Variants in EFCAB6 observed in about 807,000 individuals in gnomAD.
EFCAB6 encodes the protein EF-hand calcium binding domain 6.
In EFCAB6, 156 loss-of-function variants were observed where a neutral mutation model predicts 169.8. That is an observed-to-expected ratio of 0.92 (90% CI 0.81 to 1.05). EFCAB6 has a LOEUF of 1.05. Among genes scored for constraint, EFCAB6 ranks in the 50% least tolerant of loss-of-function variants. EFCAB6 has a pLI of 0.00. For missense variants in EFCAB6, 1,800 were observed against 1,829.1 expected (o/e 0.98, Z 0.29); for synonymous variants, 698 against 676.4 (o/e 1.03, Z -0.50).
At chr22:43,712,916 T>C (rs1216225503) in intron 9 of EFCAB6, among the ~76,000 whole-genome samples, 2 of 152,158 alleles carry the variant, frequency 1.3e-5, no homozygotes, top group African/African-American at 2.4e-5. Flanking sequence ...TTACTGTTTA[T>C]ATAGAAAGTA....
chr22:43,583,007 T>G (rs992093270), intron 24 of EFCAB6, among the ~76,000 whole-genome samples: 1 of 152,182 alleles, frequency 6.6e-6, no homozygotes, highest in Non-Finnish European at 1.5e-5. Flanking sequence ...GTCTCATAAA[T>G]TATTAGCTGA....
At chr22:43,591,260 A>T (rs1199116601) in intron 23 of EFCAB6, among the ~76,000 whole-genome samples, 6 of 151,282 alleles carry the variant, frequency 4.0e-5, no homozygotes, top group African/African-American at 1.5e-4. Context: ...GTTCGAGACC[A>T]GCCTGGCCAA....
rs570550073 is a variant in EFCAB6 at position 43,795,510 on chromosome 22, C to A, written c.-7-13185G>T. 6.6e-6 allele frequency among the ~76,000 whole-genome samples: 1 copy of A among 152,256 alleles called. No homozygotes were observed. The highest frequency in any genetic ancestry group is 1.9e-4 in the East Asian group (1 of 5,168). On this transcript the variant is annotated intron_variant, in intron 2 of 31. Transcript: ENST00000262726. The surrounding 1 kb of genome is among the most constrained non-coding windows in gnomAD (Gnocchi z 4.2). ...ATGGGTCCCTCGGCCCTGCTCCACC[C>A]CAGCCGATTCCTCTGCCTTGAGACC...
At chr22:43,529,185 G>A (rs531736806) in intron 31 of EFCAB6, among the ~76,000 whole-genome samples, 2 of 152,356 alleles carry the variant, frequency 1.3e-5, no homozygotes, top group South Asian at 4.1e-4. Context: ...GCATCTGGGT[G>A]TGAAACTGGA....
At chr22:43,610,148 G>A (rs1006478537) in intron 21 of EFCAB6, among the ~76,000 whole-genome samples, 59 of 152,184 alleles carry the variant, frequency 3.9e-4, no homozygotes, top group Non-Finnish European at 1.5e-4. Context: ...AAGATCTACA[G>A]AGAGATGTTA....
intron 10 of EFCAB6, among the ~76,000 whole-genome samples, chr22:43,708,418 C>G (rs572723762): frequency 6.7e-4 from 102 of 151,520 alleles, no homozygotes; most frequent in African/African-American, 2.4e-3. Context: ...AAAACTTAGC[C>G]AATACCAAAC....
chr22:43,625,934 G>A (rs1291153472), intron 20 of EFCAB6, among the ~76,000 whole-genome samples: 20 of 152,338 alleles, frequency 1.3e-4, no homozygotes, highest in Admixed American at 1.3e-3. Context: ...GCCCAGCCTT[G>A]GACAGAGGAC....
chr22:43,790,494 A>G (rs952698888), intron 2 of EFCAB6, among the ~76,000 whole-genome samples: 3 of 152,234 alleles, frequency 2.0e-5, no homozygotes, highest in Admixed American at 6.5e-5. Flanking sequence ...AATCAGATCT[A>G]CGGAGACCAG....
At chr22:43,578,738 C>G (rs577053502) in intron 25 of EFCAB6, among the ~76,000 whole-genome samples, 140 of 151,956 alleles carry the variant, frequency 9.2e-4, no homozygotes, top group African/African-American at 3.2e-3. Flanking sequence ...AGGCATCATT[C>G]CCTACACACA....
chr22:43,774,574 G>T (rs926522074), intron 3 of EFCAB6, among the ~76,000 whole-genome samples: 32 of 151,756 alleles, frequency 2.1e-4, no homozygotes, highest in Admixed American at 1.2e-3. Context: ...CTCAGGGAGG[G>T]AGGTGATTCG....
chr22:43,675,186 T>G (rs2057670227), intron 13 of EFCAB6, among the ~76,000 whole-genome samples: 1 of 146,726 alleles, frequency 6.8e-6, no homozygotes, highest in Non-Finnish European at 1.5e-5. Flanking sequence ...ATATATAATA[T>G]AGCTAATTTG....
chr22:43,697,700 T>C (rs942131738), intron 10 of EFCAB6, among the ~76,000 whole-genome samples: 1 of 152,164 alleles, frequency 6.6e-6, no homozygotes, highest in African/African-American at 2.4e-5. Flanking sequence ...GCTCCTTTTA[T>C]TGTCTCAGGC....
At chr22:43,558,063 A>C (rs1339298619) in intron 26 of EFCAB6, among the ~76,000 whole-genome samples, 1 of 152,260 alleles carries the variant, frequency 6.6e-6, no homozygotes, top group African/African-American at 2.4e-5. Flanking sequence ...TGAACTACTA[A>C]AGCATTAAAA....
chr22:43,734,424 A>C (rs2060061293), intron 7 of EFCAB6, among the ~76,000 whole-genome samples: 1 of 152,210 alleles, frequency 6.6e-6, no homozygotes, highest in Non-Finnish European at 1.5e-5. Flanking sequence ...GAGGCTTAAA[A>C]AATCTCAAAT....
chr22:43,781,417 G>T (rs1387909314), intron 3 of EFCAB6, among the ~76,000 whole-genome samples: 2 of 152,138 alleles, frequency 1.3e-5, no homozygotes, highest in African/African-American at 4.8e-5. Context: ...TTGACCTCCA[G>T]GGCCTAAGCC....
intron 23 of EFCAB6, among the ~76,000 whole-genome samples, chr22:43,595,520 G>T (rs2147467468): frequency 6.6e-6 from 1 of 151,880 alleles, no homozygotes; most frequent in South Asian, 2.1e-4. Flanking sequence ...CCTAGAAGTG[G>T]GTAAATTCCT....
rs117454714 is a variant in EFCAB6 at position 43,746,572 on chromosome 22, C to T, written c.507+9194G>A. Among the ~76,000 whole-genome samples, 406 of 152,230 alleles carry T rather than the reference C, an allele frequency of 2.7e-3. 5 individuals are homozygous for T. Among genetic ancestry groups the T allele is most frequent in the South Asian group, 4.2e-3 (20 of 4,810 alleles). On this transcript the variant is annotated intron_variant, in intron 6 of 31. Coordinates refer to ENST00000262726, the MANE Select transcript of EFCAB6 (RefSeq NM_022785.4). The stretch of plus-strand genomic sequence containing the variant: ...AAACTCTAGCTACCCATTGAGCTTA[C>T]GATACAGCTATGAAAAGGTGCCCCG...
In EFCAB6 at chr22:43,576,117, G is replaced by T. The variant is rs141814547; in HGVS notation, c.3420+180C>A. 4.7e-4 allele frequency among the ~76,000 whole-genome samples: 72 copies of T among 152,082 alleles called. 1 individual carries two copies. Among genetic ancestry groups the T allele is most frequent in the Admixed American group, 1.6e-3 (24 of 15,288 alleles). ...AATAAAAATTTCCAACAAAGTAAAGGATGCATATTCACCTTCTAATACTCT... is the reference window on the plus strand; with the variant it reads ...AATAAAAATTTCCAACAAAGTAAAGTATGCATATTCACCTTCTAATACTCT... On this transcript the variant is annotated intron_variant, in intron 26 of 31. Coordinates refer to ENST00000262726, the MANE Select transcript of EFCAB6 (RefSeq NM_022785.4).
intron 11 of EFCAB6, among the ~76,000 whole-genome samples, chr22:43,685,595 T>TA (rs1329885168): frequency 9.2e-5 from 14 of 152,332 alleles, no homozygotes; most frequent in African/African-American, 3.4e-4. Context: ...TTGTAAAAGA[T>TA]AAAATTTCTC....
Sources: gnomAD v4.1 joint callset for allele counts (sites outside exome capture counted in the v4.1 genomes callset) on GRCh38, gnomAD v4.1.1 for gene constraint, Gnocchi (gnomAD v3.1) non-coding constraint, MANE v1.5 for transcripts, NCBI Gene and HGNC (gene_info 2026-07-23, HGNC 2026-07-21) for gene names.